Variants in ZPLD1 observed in about 807,000 individuals in gnomAD.
ZPLD1 encodes the protein zona pellucida-like domain-containing protein 1.
A neutral mutation model predicts 47.2 loss-of-function variants in ZPLD1; 34 were observed. The observed-to-expected ratio is 0.72, with a 90% CI of 0.55 to 0.96. The LOEUF (loss-of-function observed/expected upper bound fraction) is 0.96. Among genes scored for constraint, ZPLD1 ranks in the 40% least tolerant of loss-of-function variants. The pLI, the probability that ZPLD1 is intolerant of heterozygous loss-of-function variation, is 0.00. For synonymous variants in ZPLD1, 176 were observed against 186.2 expected, an observed-to-expected ratio of 0.95 and a Z score of 0.45; for missense variants, 512 against 505.8, an observed-to-expected ratio of 1.01 and a Z score of -0.12.
chr3:102,458,492 C>G (rs911890279), intron 6 of ZPLD1, among the ~76,000 whole-genome samples: 1 of 152,092 alleles, frequency 6.6e-6, no homozygotes, highest in Non-Finnish European at 1.5e-5. Flanking sequence ...ATTTTAAATG[C>G]CTGATTTAAA....
In ZPLD1 at chr3:102,468,886, C is replaced by A. The variant is rs540616632; in HGVS notation, c.762-78C>A. ...TTAATGTAATGGCGGAGTCTTAATACGGTAGAAATTAATTTACAAGTCCCA... is the reference window on the plus strand; with the variant it reads ...TTAATGTAATGGCGGAGTCTTAATAAGGTAGAAATTAATTTACAAGTCCCA... On this transcript the variant is annotated intron_variant, in intron 8 of 11. Coordinates refer to ENST00000466937, the MANE Select transcript of ZPLD1 (RefSeq NM_001329788.2). 10 of 1,392,162 alleles carry A rather than the reference C, an allele frequency of 7.2e-6. No homozygotes were observed. In the African/African-American group the frequency reaches 7.2e-5, roughly 10 times the overall value. The allele number at this position is 1,392,162 out of a possible 1,614,324, so 86.2% of individuals were successfully genotyped here.
chr3:102,388,817 G>T (rs1397478927), intron 6 of ZPLD1, among the ~76,000 whole-genome samples: 1 of 152,096 alleles, frequency 6.6e-6, no homozygotes, highest in Non-Finnish European at 1.5e-5. Flanking sequence ...GGGGGGGTGA[G>T]GAATCAGGAA....
At chr3:102,440,560 G>A (rs755437740) in intron 3 of ZPLD1, among the ~76,000 whole-genome samples, 2 of 152,096 alleles carry the variant, frequency 1.3e-5, no homozygotes, top group Non-Finnish European at 2.9e-5. Flanking sequence ...TATAGTGGCA[G>A]TTTCTTTTAT....
At chr3:102,448,583 G>A (rs1707292828) in intron 3 of ZPLD1, among the ~76,000 whole-genome samples, 1 of 152,158 alleles carries the variant, frequency 6.6e-6, no homozygotes, top group Admixed American at 6.5e-5. Context: ...ACTGGGTTAG[G>A]AAAGATTTGG....
intron 8 of ZPLD1, among the ~76,000 whole-genome samples, chr3:102,466,942 A>G (rs567728421): frequency 6.6e-6 from 1 of 151,016 alleles, no homozygotes; most frequent in African/African-American, 2.4e-5. Context: ...TTCCTAAATT[A>G]AAAAAAAATC....
intron 10 of ZPLD1, among the ~76,000 whole-genome samples, chr3:102,471,833 A>T (rs1373248511): frequency 1.3e-5 from 2 of 152,250 alleles, no homozygotes; most frequent in African/African-American, 2.4e-5. Flanking sequence ...TTTTTAAAAT[A>T]AAAGTTTTAA....
At chr3:102,458,957 GC>G (rs1440765367) in intron 6 of ZPLD1, among the ~76,000 whole-genome samples, 31 of 151,796 alleles carry the variant, frequency 2.0e-4, no homozygotes, top group Non-Finnish European at 1.0e-4. Context: ...GGGCGTGGTG[GC>G]GGGCACCTGT....
At chr3:102,452,844 A>G in intron 3 of ZPLD1, 75 bp from the exon 4 acceptor site, 2 of 1,471,812 alleles carry the variant, frequency 1.4e-6, no homozygotes, top group South Asian at 1.2e-5. Flanking sequence ...GAATAAATAT[A>G]TCAGTAGGAT....
At chr3:102,467,654 A>G (rs1010134838) in intron 8 of ZPLD1, among the ~76,000 whole-genome samples, 1 of 152,120 alleles carries the variant, frequency 6.6e-6, no homozygotes, top group Admixed American at 6.5e-5. Flanking sequence ...ACTTCACTCA[A>G]TATACCATAA....
Position 102,472,825 on chromosome 3 carries a change from A to C in ZPLD1, c.1042+2323A>C, listed in dbSNP as rs547092542. Among the ~76,000 whole-genome samples, 9 of 152,316 alleles carry C rather than the reference A, an allele frequency of 5.9e-5. 1 individual carries two copies. The East Asian group carries it at 1.7e-3, about 29-fold the overall frequency. On this transcript the variant is annotated intron_variant, in intron 10 of 11. Coordinates refer to ENST00000466937, the MANE Select transcript of ZPLD1 (RefSeq NM_001329788.2). ...TTCTTACTTCCTTCTTGCCTATGCA[A>C]AACTAAGTATTACAAATTTTAAATA... is the stretch of plus-strand genomic sequence containing the variant.
chr3:102,465,396 T>C (rs1707575024), intron 8 of ZPLD1, among the ~76,000 whole-genome samples: 1 of 152,204 alleles, frequency 6.6e-6, no homozygotes, highest in Admixed American at 6.5e-5. Flanking sequence ...GTCCTATTGG[T>C]ATTTCTATCT....
Position 102,477,681 on chromosome 3 carries a change from A to G in ZPLD1, c.*63A>G. On this transcript the variant is annotated 3_prime_UTR_variant, in exon 12 of 12. Coordinates refer to ENST00000466937, the MANE Select transcript of ZPLD1 (RefSeq NM_001329788.2). Reference sequence around the variant, plus strand: ...GACTAAACTATGTGTGACTGCAGTCAGTGTTCCGTCTGAATTTCATGTCAG... The same window carrying G: ...GACTAAACTATGTGTGACTGCAGTCGGTGTTCCGTCTGAATTTCATGTCAG... The G allele has an allele frequency of 1.4e-6, 2 of 1,432,302 alleles. No homozygotes were observed. The highest frequency in any genetic ancestry group is 1.9e-6 in the Non-Finnish European group (2 of 1,062,608). The allele number at this position is 1,432,302 out of a possible 1,614,324, so 88.7% of individuals were successfully genotyped here. A position where few individuals can be genotyped will look rare whatever the true frequency, so the allele number is the denominator to read the frequency against.
chr3:102,438,165 G>A (rs1236854041), intron 2 of ZPLD1, among the ~76,000 whole-genome samples: 1 of 152,052 alleles, frequency 6.6e-6, no homozygotes, highest in African/African-American at 2.4e-5. Flanking sequence ...CTAGATACTT[G>A]GTTTGCGTTC....
chr3:102,407,664 A>G (rs1706706326), intron 7 of ZPLD1, among the ~76,000 whole-genome samples: 1 of 151,374 alleles, frequency 6.6e-6, no homozygotes, highest in Admixed American at 6.6e-5. Context: ...GAACACAGTC[A>G]TGGCTCTGTA....
intron 7 of ZPLD1, among the ~76,000 whole-genome samples, chr3:102,415,502 G>T (rs568529983): frequency 1.3e-5 from 2 of 151,914 alleles, no homozygotes; most frequent in Admixed American, 6.6e-5. Context: ...CAAACATTTG[G>T]ATGGATGCTA....
chr3:102,392,001 A>G (rs1294648715), intron 6 of ZPLD1, among the ~76,000 whole-genome samples: 1 of 152,188 alleles, frequency 6.6e-6, no homozygotes, highest in Non-Finnish European at 1.5e-5. Flanking sequence ...CAACTAACCA[A>G]CCAACCAACC....
intron 7 of ZPLD1, among the ~76,000 whole-genome samples, chr3:102,463,151 A>G (rs539753734): frequency 7.2e-5 from 11 of 152,078 alleles, no homozygotes; most frequent in South Asian, 2.1e-4. Context: ...TATTTTTTTT[A>G]TAACATCGGA....
At chr3:102,401,725 A>T (rs1246136049) in intron 7 of ZPLD1, among the ~76,000 whole-genome samples, 2 of 152,130 alleles carry the variant, frequency 1.3e-5, no homozygotes, top group African/African-American at 4.8e-5. Flanking sequence ...TTGTTACAAA[A>T]AGAAAACCAT....
chr3:102,414,609 G>A (rs1706782448), intron 7 of ZPLD1, among the ~76,000 whole-genome samples: 1 of 151,754 alleles, frequency 6.6e-6, no homozygotes, highest in South Asian at 2.1e-4. Flanking sequence ...TTCAATATCA[G>A]TTACCTAGTA....
Sources: allele counts gnomAD v4.1 joint callset (sites outside exome capture counted in the v4.1 genomes callset), GRCh38; gene constraint gnomAD v4.1.1; transcripts MANE v1.5; gene names NCBI Gene and HGNC (gene_info 2026-07-23, HGNC 2026-07-21).